Variants in ADGRB3 observed in about 807,000 individuals in gnomAD.
The protein encoded by ADGRB3 is brain-specific angiogenesis inhibitor 3.
ADGRB3 carries 37 observed loss-of-function variants against 193.4 expected under a neutral mutation model. The ratio of observed to expected loss-of-function variants is 0.19; its 90% CI spans 0.15 to 0.25. The LOEUF (loss-of-function observed/expected upper bound fraction) is 0.25. ADGRB3 is among the 10% of genes least tolerant of loss of function. The pLI is 1.00. For missense variants in ADGRB3, 1,637 were observed against 1,852.9 expected (o/e 0.88, Z 2.14); for synonymous variants, 690 against 644.2 (o/e 1.07, Z -1.08).
chr6:69,258,699 C>A (rs1463208085), intron 20 of ADGRB3, among the ~76,000 whole-genome samples: 4 of 152,116 alleles, frequency 2.6e-5, no homozygotes, highest in Non-Finnish European at 1.5e-5. Context: ...AAATGAAGTG[C>A]ACAATATGGA....
chr6:69,006,355 G>A (rs1769750630), intron 11 of ADGRB3, among the ~76,000 whole-genome samples: 1 of 151,942 alleles, frequency 6.6e-6, no homozygotes, highest in East Asian at 1.9e-4. Flanking sequence ...TTAGGTTGAT[G>A]CAAAAGTAAT....
At chr6:69,210,943 G>A (rs1765650933) in intron 17 of ADGRB3, among the ~76,000 whole-genome samples, 1 of 150,632 alleles carries the variant, frequency 6.6e-6, no homozygotes, top group Non-Finnish European at 1.5e-5. Flanking sequence ...GTGAAACCCC[G>A]TCTCTACCAA....
At chr6:68,959,717 A>G (rs1322570741) in intron 8 of ADGRB3, among the ~76,000 whole-genome samples, 3 of 152,146 alleles carry the variant, frequency 2.0e-5, no homozygotes, top group Non-Finnish European at 4.4e-5. Context: ...CATTGATGAC[A>G]AAAAATGTAT....
chr6:69,008,105 GC>G (rs927433959), intron 11 of ADGRB3, among the ~76,000 whole-genome samples: 1 of 152,048 alleles, frequency 6.6e-6, no homozygotes, highest in Non-Finnish European at 1.5e-5. Context: ...CATTTTAAAG[GC>G]CCCAACTCTT....
At chr6:69,233,257 C>A (rs751649806) in intron 17 of ADGRB3, 33 bp from the exon 18 acceptor site, 2 of 1,609,366 alleles carry the variant, frequency 1.2e-6, no homozygotes, top group East Asian at 2.2e-5. Context: ...GCGTATTTAT[C>A]CCGATTTCCT....
At chr6:68,998,574 T>C (rs1266345040) in intron 11 of ADGRB3, among the ~76,000 whole-genome samples, 1 of 152,260 alleles carries the variant, frequency 6.6e-6, no homozygotes, top group Non-Finnish European at 1.5e-5. Context: ...TTCCCTTCAT[T>C]CATTACTCTG....
chr6:68,865,215 C>T (rs1357057616), intron 3 of ADGRB3, among the ~76,000 whole-genome samples: 2 of 149,638 alleles, frequency 1.3e-5, no homozygotes, highest in East Asian at 2.0e-4. Flanking sequence ...CCTCTCCTAT[C>T]CCCCATTAAT....
chr6:68,817,304 CATGTATATATATAT>C lies in ADGRB3; in HGVS notation c.758-113252_758-113239del, dbSNP rs1205684950. Among the ~76,000 whole-genome samples the C allele has an allele frequency of 8.5e-3, 485 of 57,116 alleles. 13 individuals carry two copies. The highest frequency in any genetic ancestry group is 0.019 in the South Asian group (24 of 1,236). The allele number at this position is 57,116 out of a possible 152,430, so 37.5% of individuals were successfully genotyped here. Reference sequence around the variant, plus strand: ...AAGGTATTTATTATTCCCTTTTGTCCATGTATATATATATATATATATATATATATATATATATA... The same window carrying C: ...AAGGTATTTATTATTCCCTTTTGTCCATATATATATATATATATATATATA... On this transcript the variant is annotated intron_variant, in intron 3 of 31. Coordinates refer to ENST00000370598, the MANE Select transcript of ADGRB3 (RefSeq NM_001704.3).
chr6:69,274,844 G>A (rs574820178), intron 20 of ADGRB3, among the ~76,000 whole-genome samples: 6 of 151,930 alleles, frequency 3.9e-5, no homozygotes, highest in East Asian at 3.9e-4. Flanking sequence ...TGTGCAGAAC[G>A]GCAATAAAAC....
intron 20 of ADGRB3, among the ~76,000 whole-genome samples, chr6:69,316,115 G>A (rs182770470): frequency 8.0e-5 from 12 of 150,808 alleles, no homozygotes; most frequent in Non-Finnish European, 1.6e-4. Flanking sequence ...ATCTAATACT[G>A]CTTATTTTTA....
chr6:68,739,422 A>G (rs915683883), intron 3 of ADGRB3, among the ~76,000 whole-genome samples: 1 of 152,142 alleles, frequency 6.6e-6, no homozygotes, highest in Non-Finnish European at 1.5e-5. Context: ...ATTACATAGG[A>G]AACAAAGAGA....
At chr6:69,129,168 C>T (rs1327271907) in intron 17 of ADGRB3, among the ~76,000 whole-genome samples, 1 of 152,116 alleles carries the variant, frequency 6.6e-6, no homozygotes, top group African/African-American at 2.4e-5. Context: ...CACATATGTT[C>T]ATTTGAAATG....
At chr6:68,705,017 A>T (rs1446659212) in intron 3 of ADGRB3, among the ~76,000 whole-genome samples, 2 of 152,218 alleles carry the variant, frequency 1.3e-5, no homozygotes, top group Admixed American at 6.5e-5. Flanking sequence ...AGAGAAAAGA[A>T]AGCTACATTT....
intron 3 of ADGRB3, among the ~76,000 whole-genome samples, chr6:68,670,433 TTGATTTTTATA>T (rs1582112028): frequency 6.6e-6 from 1 of 152,036 alleles, no homozygotes; most frequent in East Asian, 1.9e-4. Flanking sequence ...TCATTTTGAT[TTGATTTTTATA>T]CTTGATGAGA....
chr6:68,884,846 C>T (rs2150226358), intron 3 of ADGRB3, among the ~76,000 whole-genome samples: 1 of 152,228 alleles, frequency 6.6e-6, no homozygotes, highest in South Asian at 2.1e-4. Context: ...GACAACAGTA[C>T]ATGTGGAATT....
At chr6:68,637,274 G>C (rs1191657590) in intron 1 of ADGRB3, 117 bp from the exon 2 acceptor site, 1 of 152,474 alleles carries the variant, frequency 6.6e-6, no homozygotes, top group African/African-American at 2.4e-5. Context: ...GCATGCGTTG[G>C]TGTGTGTTAT....
chr6:68,963,729 C>T (rs375358240), intron 8 of ADGRB3, among the ~76,000 whole-genome samples: 2 of 152,240 alleles, frequency 1.3e-5, no homozygotes, highest in South Asian at 2.1e-4. Flanking sequence ...AATTTGGGAG[C>T]CCATCCATTA....
intron 3 of ADGRB3, among the ~76,000 whole-genome samples, chr6:68,670,590 G>T (rs920608496): frequency 6.6e-6 from 1 of 151,488 alleles, no homozygotes; most frequent in African/African-American, 2.4e-5. Context: ...AGGTGTGTGG[G>T]TTCTCTCTTC....
intron 20 of ADGRB3, among the ~76,000 whole-genome samples, chr6:69,246,075 T>C (rs1766493407): frequency 6.6e-6 from 1 of 152,162 alleles, no homozygotes; most frequent in African/African-American, 2.4e-5. Flanking sequence ...ATTGATGGCA[T>C]GCTTTAAATG....
Sources: allele counts gnomAD v4.1 joint callset (sites outside exome capture counted in the v4.1 genomes callset), GRCh38; gene constraint gnomAD v4.1.1; transcripts MANE v1.5; gene names NCBI Gene and HGNC (gene_info 2026-07-23, HGNC 2026-07-21).